Variants in CLTCL1 observed in about 807,000 individuals in gnomAD.
CLTCL1 encodes the protein clathrin heavy chain 2.
A neutral mutation model predicts 190.0 loss-of-function variants in CLTCL1; 159 were observed. The ratio of observed to expected loss-of-function variants is 0.84; its 90% CI spans 0.74 to 0.95. The LOEUF is 0.95. Ranked by LOEUF, CLTCL1 falls within the 40% of genes least tolerant of loss-of-function variation. The probability of loss-of-function intolerance (pLI) is 0.00; values close to 1 mark genes in which losing one functional copy is unlikely to be tolerated. For synonymous variants in CLTCL1, 752 were observed against 769.6 expected (o/e 0.98, Z 0.38); for missense variants, 1,878 against 2,033.4 (o/e 0.92, Z 1.47).
chr22:19,199,683 T>G (rs984951047), intron 24 of CLTCL1, 51 bp downstream of exon 24: 3 of 1,386,942 alleles, frequency 2.2e-6, no homozygotes, highest in Admixed American at 2.1e-5. Flanking sequence ...CTCTGTGGAG[T>G]GTTTAGGCAT....
chr22:19,289,283 T>C (rs2088023456), intron 1 of CLTCL1, among the ~76,000 whole-genome samples: 1 of 152,186 alleles, frequency 6.6e-6, no homozygotes. Context: ...ATGCTCGGCC[T>C]GATTTTATTT....
intron 16 of CLTCL1, 52 bp downstream of exon 16, chr22:19,221,899 A>G: frequency 6.3e-7 from 1 of 1,593,790 alleles, no homozygotes; most frequent in African/African-American, 1.3e-5. Context: ...AGAAACAACA[A>G]CAGACACTAG....
chr22:19,200,300 C>G (rs1555938470), intron 23 of CLTCL1, among the ~76,000 whole-genome samples: 1 of 152,132 alleles, frequency 6.6e-6, no homozygotes, highest in East Asian at 1.9e-4. Context: ...TTGAGAAGTG[C>G]AGAATTCCCC....
chr22:19,281,099 G>A (rs1212535750), intron 1 of CLTCL1, among the ~76,000 whole-genome samples: 2 of 151,432 alleles, frequency 1.3e-5, no homozygotes, highest in African/African-American at 2.4e-5. Flanking sequence ...GACCATCCTG[G>A]CTAACACAGT....
At chr22:19,244,762 C>G (rs2086364716) in intron 3 of CLTCL1, among the ~76,000 whole-genome samples, 1 of 152,196 alleles carries the variant, frequency 6.6e-6, no homozygotes, top group Non-Finnish European at 1.5e-5. Flanking sequence ...GCTTACCTTC[C>G]CACCTCATGG....
chr22:19,291,220 C>A (rs1242116881), intron 1 of CLTCL1, among the ~76,000 whole-genome samples: 6 of 152,180 alleles, frequency 3.9e-5, no homozygotes, highest in Non-Finnish European at 7.4e-5. Flanking sequence ...AACTCAGGGG[C>A]GAATAAGGAC....
intron 22 of CLTCL1, among the ~76,000 whole-genome samples, chr22:19,204,499 T>G (rs556130677): frequency 7.6e-4 from 116 of 152,330 alleles, no homozygotes; most frequent in African/African-American, 2.7e-3. Context: ...ACTTAGCTCC[T>G]TATATTCACC....
At chr22:19,212,353 G>T (rs797043486) in intron 19 of CLTCL1, among the ~76,000 whole-genome samples, 11 of 151,196 alleles carry the variant, frequency 7.3e-5, no homozygotes, top group African/African-American at 2.7e-4. Context: ...TGAACCTCAG[G>T]GTTTGAGACT....
Position 19,226,383 on chromosome 22 carries a change from C to A in CLTCL1, c.1783G>T (p.Val595Phe). ...LEMNLVHAPQVADAILGNKMF... is the reference protein window; with the variant it reads ...LEMNLVHAPQFADAILGNKMF... The stretch of plus-strand genomic sequence containing the variant: ...TTATTTCCAAGGATGGCATCTGCAA[C>A]CTATGAAACAGGGAGTTCGGTGAGA... Residue 595 changes from valine to phenylalanine, a missense_variant and splice_region_variant, in exon 12 of 33, where the codon GTT becomes TTT. By Grantham distance (50) the Val-to-Phe change is conservative (BLOSUM62 -1). Transcript: ENST00000427926. 1 of 1,613,952 alleles carries A rather than the reference C, an allele frequency of 6.2e-7. No individual in the cohort carries two copies. The highest frequency in any genetic ancestry group is 8.5e-7 in the Non-Finnish European group (1 of 1,179,854).
chr22:19,204,417 G>T (rs1694143245), intron 22 of CLTCL1, among the ~76,000 whole-genome samples: 1 of 152,144 alleles, frequency 6.6e-6, no homozygotes, highest in Admixed American at 6.5e-5. Flanking sequence ...TTACCCAGGG[G>T]CCCTTTCTAA....
chr22:19,227,938 G>A (rs970572545), intron 11 of CLTCL1, among the ~76,000 whole-genome samples: 4 of 152,152 alleles, frequency 2.6e-5, no homozygotes, highest in Non-Finnish European at 4.4e-5. Context: ...GACTGGATAG[G>A]TCAACACAGC....
rs1347745965 is a variant in CLTCL1 at position 19,208,416 on chromosome 22, A to T, written c.3443-105T>A. 3 of 1,333,032 alleles carry T rather than the reference A, an allele frequency of 2.3e-6. No homozygotes were observed. In the East Asian group the frequency reaches 6.9e-5, roughly 31 times the overall value. 82.6% of individuals were successfully genotyped at this position (1,333,032 alleles called of 1,614,324 possible). A position where few individuals can be genotyped will look rare whatever the true frequency, so the allele number is the denominator to read the frequency against. The stretch of plus-strand genomic sequence containing the variant: ...AGCCAGACACATTTACCCTCCAGTT[A>T]TGTCTCACTGGGAACTCAGACTCCA... On this transcript the variant is annotated intron_variant, in intron 21 of 32. Transcript: ENST00000427926.
In CLTCL1 at chr22:19,226,193, T is replaced by C. The variant is rs782723491; in HGVS notation, c.1947+26A>G. Reference sequence around the variant, plus strand: ...TTAATTGCATAGACAACAGCCATAATAGGAGTGCCCAGGGGTACACAGTAC... The same window carrying C: ...TTAATTGCATAGACAACAGCCATAACAGGAGTGCCCAGGGGTACACAGTAC... On this transcript the variant is annotated intron_variant, in intron 12 of 32. Coordinates refer to ENST00000427926, the MANE Select transcript of CLTCL1 (RefSeq NM_007098.4). The C allele has an allele frequency of 5.0e-5, 81 of 1,608,524 alleles. No homozygotes were observed. The South Asian group carries it at 7.3e-4, about 14-fold the overall frequency.
chr22:19,254,352 G>T (rs1601658078), intron 2 of CLTCL1, 125 bp from the exon 3 acceptor site: 2 of 801,638 alleles, frequency 2.5e-6, no homozygotes, highest in Non-Finnish European at 3.8e-6. Context: ...TGATTAACAG[G>T]GTCTGAAAGA....
intron 4 of CLTCL1, among the ~76,000 whole-genome samples, chr22:19,240,866 G>T (rs1207951037): frequency 6.6e-6 from 1 of 152,224 alleles, no homozygotes; most frequent in Non-Finnish European, 1.5e-5. Context: ...AGGACACCAG[G>T]CTCTCAGGGC....
In CLTCL1 at chr22:19,235,873, TAAG is replaced by T; in HGVS notation, c.796-7_796-5del. On this transcript the variant is annotated splice_polypyrimidine_tract_variant and splice_region_variant and intron_variant, in intron 5 of 32. Coordinates refer to ENST00000427926, the MANE Select transcript of CLTCL1 (RefSeq NM_007098.4). ...TAACACCATGTTTAGCTCCAATCTA[TAAG>T]AAGACAGAGAGCAAGAGGTTGGAAA... 1 of 1,611,974 alleles carries T rather than the reference TAAG, an allele frequency of 6.2e-7. No individual in the cohort carries two copies. Among genetic ancestry groups the T allele is most frequent in the African/African-American group, 1.3e-5 (1 of 74,986 alleles).
chr22:19,253,971 G>A lies in CLTCL1; in HGVS notation c.507C>T (p.Gly169=). The A allele has an allele frequency of 6.2e-7, 1 of 1,612,388 alleles. No homozygotes were observed. The highest frequency in any genetic ancestry group is 8.5e-7 in the Non-Finnish European group (1 of 1,178,908). The change falls in exon 3 of 33, where the codon GGC becomes GGT. Residue 169 remains glycine, a synonymous_variant. Transcript: ENST00000427926. ...GCTCAAGGCTTACCTGAGCCGAGATGCCTACGAGCAGCAGCCACTTCTGGT... is the reference window on the plus strand; with the variant it reads ...GCTCAAGGCTTACCTGAGCCGAGATACCTACGAGCAGCAGCCACTTCTGGT... ...DEYQKWLLLV[G]ISAQQNRVVG... is the part of the protein sequence containing the mutation.
intron 1 of CLTCL1, among the ~76,000 whole-genome samples, chr22:19,277,862 T>A (rs978953263): frequency 2.0e-5 from 3 of 152,174 alleles, no homozygotes; most frequent in Non-Finnish European, 4.4e-5. Context: ...CCCATAAGAC[T>A]GACTACACTT....
In CLTCL1 at chr22:19,256,354, C is replaced by CTT. The variant is rs1239133099; in HGVS notation, c.251-2129_251-2128dup. Reference sequence around the variant, plus strand: ...TCTTTTTTTTTTCTTTTTCTTTTATCTTTTTTTTTTTTTTTTTTTTGAGAC... The same window carrying CTT: ...TCTTTTTTTTTTCTTTTTCTTTTATCTTTTTTTTTTTTTTTTTTTTTTGAGAC... On this transcript the variant is annotated intron_variant, in intron 2 of 32. Transcript: ENST00000427926. Among the ~76,000 whole-genome samples the CTT allele has an allele frequency of 5.7e-3, 590 of 104,348 alleles. 10 individuals are homozygous for CTT. Among genetic ancestry groups the CTT allele is most frequent in the South Asian group, 0.012 (34 of 2,948 alleles). 68.5% of individuals were successfully genotyped at this position (104,348 alleles called of 152,430 possible). A position where few individuals can be genotyped will look rare whatever the true frequency, so the allele number is the denominator to read the frequency against.
Sources: gnomAD v4.1 joint callset for allele counts (sites outside exome capture counted in the v4.1 genomes callset) on GRCh38, gnomAD v4.1.1 for gene constraint, MANE v1.5 for transcripts, NCBI Gene and HGNC (gene_info 2026-07-23, HGNC 2026-07-21) for gene names.